The following TTBK2 variants were observed in gnomAD, a reference collection of about 807,000 sequenced individuals.
TTBK2 encodes the protein tau-tubulin kinase 2.
TTBK2 carries 28 observed loss-of-function variants against 110.8 expected under a neutral mutation model. The ratio of observed to expected loss-of-function variants is 0.25; its 90% CI spans 0.19 to 0.35. The LOEUF (loss-of-function observed/expected upper bound fraction) is 0.35. Ranked by LOEUF, TTBK2 falls within the 10% of genes least tolerant of loss-of-function variation. The pLI, the probability that TTBK2 is intolerant of heterozygous loss-of-function variation, is 1.00. For synonymous variants in TTBK2, 532 were observed against 527.3 expected (o/e 1.01, Z -0.12); for missense variants, 1,369 against 1,500.3 (o/e 0.91, Z 1.45).
intron 4 of TTBK2, among the ~76,000 whole-genome samples, chr15:42,832,092 G>A (rs1193840843): frequency 6.6e-6 from 1 of 152,022 alleles, no homozygotes; most frequent in Non-Finnish European, 1.5e-5. Context: ...ATTTACCATA[G>A]TTATTATTTT....
At chr15:42,805,280 C>T (rs904655658) in intron 9 of TTBK2, among the ~76,000 whole-genome samples, 2 of 152,094 alleles carry the variant, frequency 1.3e-5, no homozygotes, top group African/African-American at 2.4e-5. Context: ...ATGTGCAAGG[C>T]CCTGGCTCTT....
chr15:42,871,342 T>G, intron 3 of TTBK2: 1 of 642,246 alleles, frequency 1.6e-6, no homozygotes, highest in Non-Finnish European at 1.9e-6. Flanking sequence ...TAAAAGGTAC[T>G]AAACTGATCT....
At chr15:42,905,893 T>G (rs188256452) in intron 1 of TTBK2, among the ~76,000 whole-genome samples, 1 of 152,176 alleles carries the variant, frequency 6.6e-6, no homozygotes, top group Non-Finnish European at 1.5e-5. Flanking sequence ...ATACTGACTG[T>G]GCTCAATAAA....
In TTBK2 at chr15:42,811,795, C is replaced by G. The variant is rs773671241; in HGVS notation, c.604-15G>C. On this transcript the variant is annotated splice_polypyrimidine_tract_variant and intron_variant, in intron 7 of 14. Transcript: ENST00000267890. ...CTTCCCATTTCCTTCATAAACAAAA[C>G]AGAATCCAGTCACATAACATTATTA... 3.7e-6 allele frequency: 6 copies of G among 1,608,370 alleles called. No individual in the cohort carries two copies. The highest frequency in any genetic ancestry group is 5.1e-6 in the Non-Finnish European group (6 of 1,175,498).
At chr15:42,796,582 C>T (rs1421137238) in intron 9 of TTBK2, among the ~76,000 whole-genome samples, 1 of 152,158 alleles carries the variant, frequency 6.6e-6, no homozygotes, top group South Asian at 2.1e-4. Flanking sequence ...AGGAAAACCA[C>T]GAGTCTGGTA....
At chr15:42,777,356 A>G (rs1321848625) in intron 11 of TTBK2, 114 bp from the exon 12 acceptor site, 2 of 1,147,328 alleles carry the variant, frequency 1.7e-6, no homozygotes, top group Admixed American at 4.5e-5. Flanking sequence ...TTTTCAGATG[A>G]TTAGGATATT....
intron 1 of TTBK2, among the ~76,000 whole-genome samples, chr15:42,902,301 A>C (rs2030093276): frequency 1.3e-5 from 2 of 151,426 alleles, no homozygotes; most frequent in Admixed American, 1.3e-4. Context: ...TGGGTGGATC[A>C]CCTCAGGTCT....
At chr15:42,843,197 T>A (rs899638915) in intron 3 of TTBK2, among the ~76,000 whole-genome samples, 1 of 152,196 alleles carries the variant, frequency 6.6e-6, no homozygotes, top group African/African-American at 2.4e-5. Flanking sequence ...CCTTTGCTCA[T>A]CCCTACACAC....
At chr15:42,778,616 C>T (rs1176436254) in intron 11 of TTBK2, among the ~76,000 whole-genome samples, 3 of 151,920 alleles carry the variant, frequency 2.0e-5, no homozygotes, top group East Asian at 1.9e-4. Flanking sequence ...TGCAGTGAGC[C>T]GAGATCGTGC....
At chr15:42,791,253 T>C (rs936217239) in intron 10 of TTBK2, among the ~76,000 whole-genome samples, 1 of 151,674 alleles carries the variant, frequency 6.6e-6, no homozygotes, top group Admixed American at 6.6e-5. Context: ...CTCCTGACTT[T>C]GTGACTCGCC....
chr15:42,826,997 G>C (rs1892563538), intron 6 of TTBK2, among the ~76,000 whole-genome samples: 1 of 152,158 alleles, frequency 6.6e-6, no homozygotes, highest in South Asian at 2.1e-4. Context: ...CATTTTAGAA[G>C]CCACAATTTG....
At chr15:42,781,590 A>G (rs1336236695) in intron 11 of TTBK2, among the ~76,000 whole-genome samples, 2 of 152,058 alleles carry the variant, frequency 1.3e-5, no homozygotes, top group Non-Finnish European at 2.9e-5. Context: ...ATTTCATTCA[A>G]TTCTATGTAA....
chr15:42,751,934 G>A lies in TTBK2; in HGVS notation c.3272+40C>T, dbSNP rs139075127. ...ACTACAATAAAGCAGATATAGAAATGGTGTTACACACTTAACACAGGGAGA... is the reference window on the plus strand; with the variant it reads ...ACTACAATAAAGCAGATATAGAAATAGTGTTACACACTTAACACAGGGAGA... On this transcript the variant is annotated intron_variant, in intron 14 of 14. Transcript: ENST00000267890. The A allele has an allele frequency of 4.0e-4, 647 of 1,600,634 alleles. 3 individuals are homozygous for A. The African/African-American group carries it at 7.8e-3, about 19-fold the overall frequency.
intron 1 of TTBK2, among the ~76,000 whole-genome samples, chr15:42,891,992 G>C (rs1418031431): frequency 6.6e-6 from 1 of 152,034 alleles, no homozygotes; most frequent in Non-Finnish European, 1.5e-5. Context: ...TCAAACAACT[G>C]GAACTGACAT....
chr15:42,816,511 C>A (rs1892034094), intron 7 of TTBK2, among the ~76,000 whole-genome samples: 2 of 152,004 alleles, frequency 1.3e-5, no homozygotes, highest in Admixed American at 1.3e-4. Flanking sequence ...ATCTATTATC[C>A]ACGATACACT....
intron 7 of TTBK2, among the ~76,000 whole-genome samples, chr15:42,815,927 TAAAAATATATATATATATATTTA>T (rs1891941393): frequency 1.9e-5 from 1 of 52,452 alleles, no homozygotes; most frequent in African/African-American, 1.5e-4. Context: ...TATATATATT[TAAAAATATATATATATATATTTA>T]AAAAAAAAAT....
In TTBK2 at chr15:42,752,556, G is replaced by A. The variant is rs757141457; in HGVS notation, c.2690C>T (p.Ser897Phe). The A allele has an allele frequency of 1.9e-6, 3 of 1,614,128 alleles. No individual in the cohort carries two copies. The Admixed American group carries it at 5.0e-5, about 27-fold the overall frequency. ...EDLPGHQGDL[S>F]TFLHQEGKRE... ...CTTGCCCTCTTGGTGCAAAAAAGTAGAGAGGTCTCCTTGATGACCTGGCAA... is the reference window on the plus strand; with the variant it reads ...CTTGCCCTCTTGGTGCAAAAAAGTAAAGAGGTCTCCTTGATGACCTGGCAA... The change falls in exon 14 of 15, where the codon TCT (serine) becomes TTT (phenylalanine). Residue 897 changes from serine to phenylalanine, a missense_variant. Ser to Phe is a radical substitution (Grantham distance 155, BLOSUM62 -2). Transcript: ENST00000267890.
At position 42,741,023 on chromosome 15, in the gene TTBK2, A is replaced by G. The variant is rs2140532524; in HGVS notation, c.*4772T>C. The G allele has an allele frequency of 6.6e-6, 1 of 152,326 alleles. No individual in the cohort carries two copies. The highest frequency in any genetic ancestry group is 2.4e-5 in the African/African-American group (1 of 41,556). 9.4% of individuals were successfully genotyped at this position (152,326 alleles called of 1,614,324 possible). On this transcript the variant is annotated 3_prime_UTR_variant, in exon 15 of 15. Coordinates refer to ENST00000267890, the MANE Select transcript of TTBK2 (RefSeq NM_173500.4). ...CCTGTGCCATGTCTTGCACTTACCT[A>G]AGAACTATAGGAATTCTCCATGTAC...
intron 9 of TTBK2, among the ~76,000 whole-genome samples, chr15:42,800,593 A>G (rs1165546573): frequency 6.6e-6 from 1 of 152,214 alleles, no homozygotes; most frequent in East Asian, 1.9e-4. Flanking sequence ...GTGGATCAAT[A>G]AAGTACTTAA....
Sources: gnomAD v4.1 joint callset for allele counts (sites outside exome capture counted in the v4.1 genomes callset) on GRCh38, gnomAD v4.1.1 for gene constraint, MANE v1.5 for transcripts, NCBI Gene and HGNC (gene_info 2026-07-23, HGNC 2026-07-21) for gene names.